Variants in EXD2 observed in about 807,000 individuals in gnomAD.
EXD2 encodes exonuclease 3'-5' domain-containing protein 2.
In EXD2, 40 loss-of-function variants were observed where a neutral mutation model predicts 62.5. That is an observed-to-expected ratio of 0.64 (90% CI 0.50 to 0.83). The LOEUF is 0.83. Among genes scored for constraint, EXD2 ranks in the 40% least tolerant of loss-of-function variants. EXD2 has a pLI of 0.00. For synonymous variants in EXD2, 239 were observed against 291.9 expected, an observed-to-expected ratio of 0.82 and a Z score of 1.85; for missense variants, 671 against 761.8, an observed-to-expected ratio of 0.88 and a Z score of 1.40.
intron 3 of EXD2, among the ~76,000 whole-genome samples, chr14:69,219,007 A>G (rs1481791051): frequency 6.6e-6 from 1 of 152,146 alleles, no homozygotes; most frequent in East Asian, 1.9e-4. Context: ...TTTTGGTTAC[A>G]TATGAACTTT....
rs775769920 is a variant in EXD2 at position 69,234,846 on chromosome 14, C to G, written c.864C>G (p.Val288=). The change falls in exon 6 of 10, where the codon GTC becomes GTG. Residue 288 remains valine, a synonymous_variant. Coordinates refer to ENST00000685843, the MANE Select transcript of EXD2 (RefSeq NM_001193360.2). ...TCTTGGAAAAATGCCAGGGTGTGGTCGACATCCCATTTCGAAGCAAAGGAA... is the reference window on the plus strand; with the variant it reads ...TCTTGGAAAAATGCCAGGGTGTGGTGGACATCCCATTTCGAAGCAAAGGAA... ...RKVLEKCQGV[V]DIPFRSKGMS... The G allele has an allele frequency of 1.7e-5, 27 of 1,613,966 alleles. No homozygotes were observed. The highest frequency in any genetic ancestry group is 2.2e-5 in the Non-Finnish European group (26 of 1,180,042).
At chr14:69,205,582 C>T (rs2042564136) in intron 2 of EXD2, among the ~76,000 whole-genome samples, 1 of 151,662 alleles carries the variant, frequency 6.6e-6, no homozygotes, top group Non-Finnish European at 1.5e-5. Flanking sequence ...CTTTAAAGTC[C>T]TTTTCAGATC....
rs2043769211 is a variant in EXD2, at chr14:69,235,942, T to C, written c.1050-104T>C. 2.1e-5 allele frequency: 18 copies of C among 840,002 alleles called. 1 individual carries two copies. In the South Asian group the frequency reaches 2.4e-4, roughly 11 times the overall value. The allele number at this position is 840,002 out of a possible 1,614,324, so 52.0% of individuals were successfully genotyped here. A position where few individuals can be genotyped will look rare whatever the true frequency, so the allele number is the denominator to read the frequency against. ...CATAGTGGTGTGTTTGACCTTAGTG[T>C]TGAGAATAGTTTTGAGTCACTCAGA... On this transcript the variant is annotated intron_variant, in intron 6 of 9. Transcript: ENST00000685843.
intron 4 of EXD2, 21 bp from the exon 5 acceptor site, chr14:69,230,451 G>C (rs373905858): frequency 6.4e-7 from 1 of 1,559,810 alleles, no homozygotes; most frequent in African/African-American, 1.4e-5. Flanking sequence ...TTTGATGCAT[G>C]GTTTTCTTTG....
chr14:69,236,152 G>A lies in EXD2; in HGVS notation c.1156G>A (p.Glu386Lys), dbSNP rs749636117. ...GTGGTACCTGGACAAAGGCATTGGT[G>A]GTATGAGATTCAGCTGTCCTTGTTT... ...AQWYLDKGIG[E>K]LVSEEPFVVK... Residue 386 changes from glutamate to lysine, a missense_variant and splice_region_variant, in exon 7 of 10, where the codon GAG (glutamate) becomes AAG (lysine). Glu to Lys is a moderately conservative substitution (Grantham distance 56). Transcript: ENST00000685843. The A allele has an allele frequency of 2.7e-5, 44 of 1,611,756 alleles. No homozygotes were observed. The highest frequency in any genetic ancestry group is 3.7e-5 in the Non-Finnish European group (43 of 1,177,944).
chr14:69,238,963 TG>T (rs2043895307), intron 9 of EXD2, among the ~76,000 whole-genome samples: 3 of 152,168 alleles, frequency 2.0e-5, no homozygotes, highest in African/African-American at 7.2e-5. Flanking sequence ...AATCCACAGA[TG>T]CAGAACCCAC....
At chr14:69,211,995 T>C (rs1257281923) in intron 3 of EXD2, among the ~76,000 whole-genome samples, 3 of 152,228 alleles carry the variant, frequency 2.0e-5, no homozygotes, top group Admixed American at 6.5e-5. Flanking sequence ...ATTTTCCTGA[T>C]TGCTGTCATA....
chr14:69,236,027 C>A lies in EXD2; in HGVS notation c.1050-19C>A, dbSNP rs1182686068. The A allele has an allele frequency of 6.3e-7, 1 of 1,598,076 alleles. No homozygotes were observed. ...ACAGTTAGCTTCCGGTTTGAGATTT[C>A]TCTTTCCTTTCCCTGCAGAAAATCA... On this transcript the variant is annotated intron_variant, in intron 6 of 9. Coordinates refer to ENST00000685843, the MANE Select transcript of EXD2 (RefSeq NM_001193360.2).
At chr14:69,207,550 C>A (rs548602419) in intron 2 of EXD2, among the ~76,000 whole-genome samples, 1 of 152,152 alleles carries the variant, frequency 6.6e-6, no homozygotes, top group East Asian at 1.9e-4. Context: ...AAAAACCATA[C>A]ACATTCAGTG....
Position 69,241,883 on chromosome 14 carries a change from C to T in EXD2, c.*783C>T. The T allele has an allele frequency of 2.5e-6, 1 of 399,066 alleles. No individual in the cohort carries two copies. The highest frequency in any genetic ancestry group is 4.4e-6 in the Non-Finnish European group (1 of 226,088). 24.7% of individuals were successfully genotyped at this position (399,066 alleles called of 1,614,324 possible). A position where few individuals can be genotyped will look rare whatever the true frequency, so the allele number is the denominator to read the frequency against. ...TGCTGTTTGTTGCCTGCTTGTTGCACTCCTCCTGCCCCAGAACTGCAAGAT... is the reference window on the plus strand; with the variant it reads ...TGCTGTTTGTTGCCTGCTTGTTGCATTCCTCCTGCCCCAGAACTGCAAGAT... On this transcript the variant is annotated 3_prime_UTR_variant, in exon 10 of 10. Transcript: ENST00000685843.
In EXD2 at chr14:69,234,688, T is replaced by C; in HGVS notation, c.718-12T>C. On this transcript the variant is annotated splice_polypyrimidine_tract_variant and intron_variant, in intron 5 of 9. Transcript: ENST00000685843. ...CTTCCAGATTCCACTGATCTCTGAC[T>C]TTTCTCTTCAGGTAATTTATGCTGC... 6.3e-7 allele frequency: 1 copy of C among 1,596,516 alleles called. No homozygotes were observed. Among genetic ancestry groups the C allele is most frequent in the Non-Finnish European group, 8.5e-7 (1 of 1,172,344 alleles).
rs753769783 is a variant in EXD2, at chr14:69,234,796, G to A, written c.814G>A (p.Asp272Asn). Residue 272 changes from aspartate to asparagine, a missense_variant, in exon 6 of 10, where the codon GAT becomes AAT. Transcript: ENST00000685843. ...FSRNSPGEKN[D>N]DHSSWRKVLE... ...TAGGAATTCACCTGGAGAAAAAAAC[G>A]ATGACCACAGTAGCTGGAGAAAAGT... is the stretch of plus-strand genomic sequence containing the variant. 11 of 1,613,916 alleles carry A rather than the reference G, an allele frequency of 6.8e-6. No individual in the cohort carries two copies. The Admixed American group carries it at 1.2e-4, about 17-fold the overall frequency.
chr14:69,235,817 A>G (rs1460040977), intron 6 of EXD2: 5 of 537,516 alleles, frequency 9.3e-6, no homozygotes, highest in African/African-American at 1.9e-5. Flanking sequence ...GTCCTAGTCC[A>G]TAAGTGTAAA....
intron 2 of EXD2, 24 bp from the exon 3 acceptor site, chr14:69,209,400 A>G (rs2042727895): frequency 2.4e-6 from 3 of 1,273,788 alleles, no homozygotes; most frequent in East Asian, 2.6e-5. Flanking sequence ...GTATATAAAT[A>G]TATTTTTGCC....
intron 5 of EXD2, among the ~76,000 whole-genome samples, chr14:69,232,444 C>G (rs2043619880): frequency 6.6e-6 from 1 of 152,222 alleles, no homozygotes; most frequent in Non-Finnish European, 1.5e-5. Flanking sequence ...AAGTCAGTTA[C>G]CACTTGTTCA....
chr14:69,240,853 C>T, intron 9 of EXD2, 31 bp from the exon 10 acceptor site: 1 of 1,600,952 alleles, frequency 6.2e-7, no homozygotes, highest in Non-Finnish European at 8.5e-7. Flanking sequence ...GCTTGTTTCC[C>T]TCAGACACTT....
At chr14:69,231,764 A>G (rs1212724308) in intron 5 of EXD2, among the ~76,000 whole-genome samples, 1 of 152,052 alleles carries the variant, frequency 6.6e-6, no homozygotes, top group African/African-American at 2.4e-5. Flanking sequence ...CTCATCCTGG[A>G]ATTTGCATTT....
intron 1 of EXD2, among the ~76,000 whole-genome samples, chr14:69,195,474 G>A (rs2042174519): frequency 6.6e-6 from 1 of 152,158 alleles, no homozygotes; most frequent in African/African-American, 2.4e-5. Context: ...TGGGATTACA[G>A]GTGTGAACCA....
rs532877969 is a variant in EXD2, at chr14:69,228,898, C to T, written c.416C>T (p.Pro139Leu). The change falls in exon 4 of 10, where the codon CCC (proline) becomes CTC (leucine). Residue 139 changes from proline to leucine, a missense_variant. Transcript: ENST00000685843. ...GGCCTGTGTGTCTTGGTTCGCCTGC[C>T]CAAGCTAATCTGTGGAGGAAAAACA... ...PSGLCVLVRL[P>L]KLICGGKTLP... The T allele has an allele frequency of 3.7e-6, 6 of 1,614,136 alleles. No homozygotes were observed. The highest frequency in any genetic ancestry group is 2.7e-5 in the African/African-American group (2 of 75,022).
Sources: gnomAD v4.1 joint callset for allele counts (sites outside exome capture counted in the v4.1 genomes callset) on GRCh38, gnomAD v4.1.1 for gene constraint, MANE v1.5 for transcripts, NCBI Gene and HGNC (gene_info 2026-07-23, HGNC 2026-07-21) for gene names.